The following MAPRE2 variants were observed in gnomAD, a reference collection of about 807,000 sequenced individuals.
The protein encoded by MAPRE2 is microtubule-associated protein RP/EB family member 2.
MAPRE2 carries 13 observed loss-of-function variants against 43.2 expected under a neutral mutation model. The observed-to-expected ratio is 0.30, with a 90% CI of 0.20 to 0.48. The LOEUF (loss-of-function observed/expected upper bound fraction) is 0.48. Ranked by LOEUF, MAPRE2 falls within the 20% of genes least tolerant of loss-of-function variation. MAPRE2 has a pLI of 0.99. For synonymous variants in MAPRE2, 135 were observed against 148.8 expected (o/e 0.91, Z 0.68); for missense variants, 161 against 400.2 (o/e 0.40, Z 5.10).
intron 1 of MAPRE2, chr18:34,984,369 T>A (rs1438552515): frequency 6.6e-6 from 1 of 152,160 alleles, no homozygotes; most frequent in African/African-American, 2.4e-5. Context: ...GAGTTATATA[T>A]AACTGGTGTT....
chr18:34,992,196 A>G (rs905059851), intron 1 of MAPRE2, among the ~76,000 whole-genome samples: 4 of 152,226 alleles, frequency 2.6e-5, no homozygotes, highest in East Asian at 3.8e-4. Flanking sequence ...TAAAACAGCA[A>G]AAGTATTACA....
In MAPRE2 at chr18:35,009,965, A is replaced by G. The variant is rs142471282; in HGVS notation, c.-8+4412A>G. Among the ~76,000 whole-genome samples the G allele has an allele frequency of 1.1e-3, 162 of 152,340 alleles. 3 individuals carry two copies. The Middle Eastern group carries it at 0.017, about 16-fold the overall frequency. On this transcript the variant is annotated intron_variant, in intron 2 of 7. Transcript: ENST00000413393. Reference sequence around the variant, plus strand: ...TCACTGCTTTAATTAGCCCTGCCTCATCTAAACCATAGAGGTAGTAAGAAT... The same window carrying G: ...TCACTGCTTTAATTAGCCCTGCCTCGTCTAAACCATAGAGGTAGTAAGAAT...
At chr18:35,103,140 G>T (rs1385047593) in intron 4 of MAPRE2, among the ~76,000 whole-genome samples, 1 of 151,982 alleles carries the variant, frequency 6.6e-6, no homozygotes, top group Non-Finnish European at 1.5e-5. Context: ...TGGAAAACTG[G>T]CATTACTTTT....
chr18:35,123,059 C>T lies in MAPRE2; in HGVS notation c.611-3889C>T, dbSNP rs574994889. 9.3e-4 allele frequency among the ~76,000 whole-genome samples: 142 copies of T among 152,364 alleles called. 1 individual carries two copies. Among genetic ancestry groups the T allele is most frequent in the Admixed American group, 3.5e-3 (54 of 15,306 alleles). ...CGTGAGCCATGCTGAGCGCCTCCAGCGGCCGGGGATTCTCCCTGCGTGTCT... is the reference window on the plus strand; with the variant it reads ...CGTGAGCCATGCTGAGCGCCTCCAGTGGCCGGGGATTCTCCCTGCGTGTCT... On this transcript the variant is annotated intron_variant, in intron 4 of 6. Transcript: ENST00000300249.
chr18:35,123,293 T>C (rs1360820975), intron 4 of MAPRE2, among the ~76,000 whole-genome samples: 1 of 152,238 alleles, frequency 6.6e-6, no homozygotes, highest in Non-Finnish European at 1.5e-5. Flanking sequence ...TCTTCCATGA[T>C]TTTTTCTTTT....
chr18:35,075,642 TAG>T (rs1427736480), intron 2 of MAPRE2, among the ~76,000 whole-genome samples: 3 of 152,210 alleles, frequency 2.0e-5, no homozygotes, highest in Non-Finnish European at 2.9e-5. Flanking sequence ...ATATATTACA[TAG>T]AGTCTTTTTG....
chr18:35,129,694 T>A (rs553090614), intron 5 of MAPRE2, among the ~76,000 whole-genome samples: 1 of 152,296 alleles, frequency 6.6e-6, no homozygotes, highest in East Asian at 1.9e-4. Flanking sequence ...GGGTGTCGAT[T>A]AGCCCAGGCA....
intron 1 of MAPRE2, among the ~76,000 whole-genome samples, chr18:35,003,316 G>T (rs1232602780): frequency 6.6e-6 from 1 of 152,140 alleles, no homozygotes; most frequent in Non-Finnish European, 1.5e-5. Flanking sequence ...ATTTTAGTGT[G>T]GACATACAGA....
Position 35,125,477 on chromosome 18 carries a change from G to A in MAPRE2, c.611-1471G>A, listed in dbSNP as rs548623520. On this transcript the variant is annotated intron_variant, in intron 4 of 6. Transcript: ENST00000300249. ...CATGTTCAGCTGAGCATTGTGCTAC[G>A]CACTGGGGTTACAAAGATGAGTAAG... is the stretch of plus-strand genomic sequence containing the variant. Among the ~76,000 whole-genome samples the A allele has an allele frequency of 1.5e-3, 222 of 152,338 alleles. 3 individuals carry two copies. The highest frequency in any genetic ancestry group is 4.5e-3 in the African/African-American group (188 of 41,566).
chr18:35,007,421 T>C (rs182330843), intron 2 of MAPRE2, among the ~76,000 whole-genome samples: 174 of 152,344 alleles, frequency 1.1e-3, no homozygotes, highest in Non-Finnish European at 2.0e-3. Flanking sequence ...TATGGGGGTA[T>C]GGGACAAATG....
At chr18:35,018,814 A>G (rs897776953) in intron 2 of MAPRE2, among the ~76,000 whole-genome samples, 1 of 151,786 alleles carries the variant, frequency 6.6e-6, no homozygotes, top group Admixed American at 6.6e-5. Context: ...TTGGGTCTCA[A>G]TTTTATTCAG....
At chr18:35,071,714 A>C (rs1274295753) in intron 2 of MAPRE2, among the ~76,000 whole-genome samples, 2 of 152,206 alleles carry the variant, frequency 1.3e-5, no homozygotes, top group African/African-American at 4.8e-5. Context: ...ATGTTGTCTG[A>C]GTCCAACACC....
upstream of MAPRE2, among the ~76,000 whole-genome samples, chr18:35,037,193 C>T (rs191381545): frequency 2.6e-5 from 4 of 150,962 alleles, no homozygotes; most frequent in East Asian, 7.8e-4. Context: ...TCCTAGTATA[C>T]AAGGAAGCCA....
chr18:35,003,097 G>A (rs2097030165), intron 1 of MAPRE2, among the ~76,000 whole-genome samples: 1 of 152,100 alleles, frequency 6.6e-6, no homozygotes, highest in Non-Finnish European at 1.5e-5. Flanking sequence ...TGCAGACAAT[G>A]AGAGCTCTAC....
At chr18:35,005,528 C>G in exon 2 of MAPRE2, 1 of 1,543,940 alleles carries the variant, frequency 6.5e-7, no homozygotes, top group Non-Finnish European at 8.8e-7. Context: ...ATTTCAACAG[C>G]CAGGGAGAAA....
chr18:35,114,646 A>G (rs1270141797), intron 4 of MAPRE2, among the ~76,000 whole-genome samples: 1 of 152,122 alleles, frequency 6.6e-6, no homozygotes, highest in Non-Finnish European at 1.5e-5. Flanking sequence ...GATAGATGCA[A>G]TTGGCATGTA....
chr18:35,004,132 A>C (rs1381456942), intron 1 of MAPRE2, among the ~76,000 whole-genome samples: 1 of 151,946 alleles, frequency 6.6e-6, no homozygotes, highest in Non-Finnish European at 1.5e-5. Flanking sequence ...TTTGTTTTTC[A>C]CCTTTTTTTA....
intron 1 of MAPRE2, among the ~76,000 whole-genome samples, chr18:35,005,020 T>C (rs554223633): frequency 6.6e-6 from 1 of 152,108 alleles, no homozygotes; most frequent in Admixed American, 6.5e-5. Flanking sequence ...AAATTAAAAA[T>C]CTTTTTGACT....
At chr18:35,095,270 G>C (rs1908348390) in intron 2 of MAPRE2, among the ~76,000 whole-genome samples, 2 of 152,014 alleles carry the variant, frequency 1.3e-5, no homozygotes, top group African/African-American at 4.8e-5. Context: ...GACTCAGAAA[G>C]AGAATTATGA....
Sources: allele counts gnomAD v4.1 joint callset (sites outside exome capture counted in the v4.1 genomes callset), GRCh38; gene constraint gnomAD v4.1.1; transcripts MANE v1.5; gene names NCBI Gene and HGNC (gene_info 2026-07-23, HGNC 2026-07-21).